LINGO2: variants seen among roughly 807,000 people sequenced by gnomAD.
LINGO2 encodes the protein leucine-rich repeat and immunoglobulin-like domain-containing nogo receptor-interacting protein 2.
Under a neutral mutation model 30.6 loss-of-function variants are expected in LINGO2, and 14 were observed. The observed-to-expected ratio is 0.46, with a 90% CI of 0.30 to 0.72. The LOEUF (loss-of-function observed/expected upper bound fraction) is 0.72. LINGO2 is among the 30% of genes least tolerant of loss of function. The pLI, the probability that LINGO2 is intolerant of heterozygous loss-of-function variation, is 0.07. For synonymous variants in LINGO2, 317 were observed against 288.5 expected, an observed-to-expected ratio of 1.10 and a Z score of -1.00; for missense variants, 729 against 751.7, an observed-to-expected ratio of 0.97 and a Z score of 0.35.
chr9:28,723,256 A>G, the LINGO2 span, among the ~76,000 whole-genome samples: 1 of 152,150 alleles, frequency 6.6e-6, no homozygotes, highest in Non-Finnish European at 1.5e-5. Context: ...TGTTGCTGGT[A>G]TAAGTGCTGC....
chr9:28,776,248 G>C, the LINGO2 span, among the ~76,000 whole-genome samples: 1 of 151,862 alleles, frequency 6.6e-6, no homozygotes, highest in African/African-American at 2.4e-5. Flanking sequence ...AGAAACAGTA[G>C]CCAAAAGGAG....
the LINGO2 span, among the ~76,000 whole-genome samples, chr9:28,992,013 C>T: frequency 6.6e-6 from 1 of 152,116 alleles, no homozygotes; most frequent in Non-Finnish European, 1.5e-5. Context: ...TCACACATAA[C>T]AATATTAACT....
the LINGO2 span, among the ~76,000 whole-genome samples, chr9:29,033,100 A>T: frequency 2.0e-5 from 3 of 152,218 alleles, no homozygotes; most frequent in Admixed American, 2.0e-4. Context: ...TTGCCTTGTC[A>T]TTAAATTGGA....
the LINGO2 span, among the ~76,000 whole-genome samples, chr9:29,171,816 G>A: frequency 3.8e-3 from 574 of 151,780 alleles, 3 homozygotes; most frequent in African/African-American, 0.013. Context: ...GTACTACAAA[G>A]ATACATATGA....
At chr9:28,035,203 T>C (rs1371820104) in intron 4 of LINGO2, among the ~76,000 whole-genome samples, 1 of 151,948 alleles carries the variant, frequency 6.6e-6, no homozygotes, top group Non-Finnish European at 1.5e-5. Flanking sequence ...GTCAGCATAC[T>C]GCTAACTCGG....
intron 1 of LINGO2, among the ~76,000 whole-genome samples, chr9:28,521,572 G>T (rs1292383331): frequency 1.3e-5 from 2 of 152,144 alleles, no homozygotes; most frequent in Non-Finnish European, 2.9e-5. Flanking sequence ...GACTAACAAA[G>T]TTGGGGGAAA....
At chr9:28,120,474 T>C (rs1461550010) in intron 4 of LINGO2, among the ~76,000 whole-genome samples, 1 of 152,166 alleles carries the variant, frequency 6.6e-6, no homozygotes, top group Admixed American at 6.6e-5. Flanking sequence ...AAACAGGCTA[T>C]ACAGAAAGGG....
intron 4 of LINGO2, among the ~76,000 whole-genome samples, chr9:28,089,504 T>C (rs1826011503): frequency 1.3e-5 from 2 of 152,256 alleles, no homozygotes; most frequent in South Asian, 4.1e-4. Context: ...ATAAAGATGT[T>C]TTTTGAACCA....
the LINGO2 span, among the ~76,000 whole-genome samples, chr9:28,881,561 T>C: frequency 6.6e-6 from 1 of 152,164 alleles, no homozygotes; most frequent in Admixed American, 6.6e-5. Flanking sequence ...CTAATTTGAC[T>C]GTATTTTAAG....
At chr9:28,284,699 G>A (rs999870052) in intron 4 of LINGO2, among the ~76,000 whole-genome samples, 1 of 152,102 alleles carries the variant, frequency 6.6e-6, no homozygotes, top group Non-Finnish European at 1.5e-5. Flanking sequence ...AGAGAATTAT[G>A]TCAACAGAGA....
At chr9:28,032,291 T>C (rs1823717814) in intron 4 of LINGO2, among the ~76,000 whole-genome samples, 1 of 152,086 alleles carries the variant, frequency 6.6e-6, no homozygotes, top group Non-Finnish European at 1.5e-5. Context: ...CATTTGTTGC[T>C]CTATTATGAA....
chr9:28,734,316 G>A, the LINGO2 span, among the ~76,000 whole-genome samples: 2 of 152,120 alleles, frequency 1.3e-5, no homozygotes, highest in East Asian at 1.9e-4. Flanking sequence ...CATCCCAGGC[G>A]GGACAAAGTA....
At chr9:27,974,686 G>T (rs1820513218) in intron 5 of LINGO2, among the ~76,000 whole-genome samples, 1 of 152,064 alleles carries the variant, frequency 6.6e-6, no homozygotes, top group East Asian at 1.9e-4. Flanking sequence ...ACCATAAACA[G>T]TTGGGCTTAA....
the LINGO2 span, among the ~76,000 whole-genome samples, chr9:28,839,380 C>A: frequency 6.6e-6 from 1 of 152,082 alleles, no homozygotes; most frequent in Non-Finnish European, 1.5e-5. Flanking sequence ...AAGCTCCTTT[C>A]CACAGGCATG....
chr9:28,291,662 G>C (rs1018395486), intron 4 of LINGO2, among the ~76,000 whole-genome samples: 1 of 152,138 alleles, frequency 6.6e-6, no homozygotes, highest in African/African-American at 2.4e-5. Context: ...TCGAGCTGAA[G>C]CAAATAGAGT....
the LINGO2 span, among the ~76,000 whole-genome samples, chr9:28,699,949 C>T: frequency 7.2e-5 from 11 of 152,036 alleles, no homozygotes; most frequent in African/African-American, 1.9e-4. Flanking sequence ...CAAGACAATA[C>T]GTGCACTGCT....
intron 4 of LINGO2, among the ~76,000 whole-genome samples, chr9:28,053,563 T>C (rs1824776631): frequency 6.6e-6 from 1 of 152,016 alleles, no homozygotes; most frequent in African/African-American, 2.4e-5. Context: ...TTGCTACAGA[T>C]CAGATAAGGT....
the LINGO2 span, among the ~76,000 whole-genome samples, chr9:28,860,651 T>C: frequency 6.8e-6 from 1 of 146,608 alleles, no homozygotes; most frequent in African/African-American, 2.6e-5. Context: ...ATATATAATC[T>C]GTCATGTATA....
chr9:27,949,391 T>C (rs200667527), exon 6 of LINGO2: 71 of 1,614,038 alleles, frequency 4.4e-5, no homozygotes, highest in Non-Finnish European at 5.8e-5. Flanking sequence ...CTAGCTGGAC[T>C]GTCTGCCCTT....
Sources: gnomAD v4.1 joint callset for allele counts (sites outside exome capture counted in the v4.1 genomes callset) on GRCh38, gnomAD v4.1.1 for gene constraint, MANE v1.5 for transcripts, NCBI Gene and HGNC (gene_info 2026-07-23, HGNC 2026-07-21) for gene names.